Variants in CYP2S1 observed in about 807,000 individuals in gnomAD.
CYP2S1 encodes cytochrome P450 2S1.
Under a neutral mutation model 43.5 loss-of-function variants are expected in CYP2S1, and 32 were observed. The ratio of observed to expected loss-of-function variants is 0.74; its 90% CI spans 0.56 to 0.99. CYP2S1 has a LOEUF of 0.99. Among genes scored for constraint, CYP2S1 ranks in the 50% least tolerant of loss-of-function variants. The pLI is 0.00. For missense variants in CYP2S1, 575 were observed against 673.9 expected (o/e 0.85, Z 1.62); for synonymous variants, 283 against 302.9 (o/e 0.93, Z 0.68).
At position 41,206,060 on chromosome 19, in the gene CYP2S1, C is replaced by T. The variant is rs759226367; in HGVS notation, c.1267C>T (p.Arg423Trp). 14 of 1,613,970 alleles carry T rather than the reference C, an allele frequency of 8.7e-6. No homozygotes were observed. The highest frequency in any genetic ancestry group is 5.0e-5 in the Admixed American group (3 of 59,986). ...NPDRFLDADG[R>W]FRKHEAFLPF... ...AGACCGTTTCCTGGATGCAGATGGA[C>T]GGTTCAGGAAGCATGAGGCGTTCCT... Residue 423 changes from arginine (R) to tryptophan (W), a missense_variant, in exon 8 of 9, where the codon CGG becomes TGG. Arg to Trp is a moderately radical substitution (Grantham distance 101). This residue lies in a region of CYP2S1 where 222 missense variants were observed against 306.3 expected (regional missense o/e 0.72). Coordinates refer to ENST00000310054, the MANE Select transcript of CYP2S1 (RefSeq NM_030622.8).
chr19:41,196,139 G>A (rs527921143), intron 2 of CYP2S1, among the ~76,000 whole-genome samples: 21 of 152,236 alleles, frequency 1.4e-4, no homozygotes, highest in Non-Finnish European at 2.4e-4. Context: ...CATTTAAGCC[G>A]GGACATGAAG....
rs577858484 is a variant in CYP2S1, at chr19:41,207,129, G to A, written c.*641G>A. On this transcript the variant is annotated 3_prime_UTR_variant, in exon 9 of 9. Transcript: ENST00000310054. ...GAGTATCTTCCCACTGAGACACGCC[G>A]CCCCCACAGAGGCACAGTCCCCAGC... 75 of 300,050 alleles carry A rather than the reference G, an allele frequency of 2.5e-4. 2 individuals carry two copies. The highest frequency in any genetic ancestry group is 5.1e-4 in the South Asian group (16 of 31,582). 18.6% of individuals were successfully genotyped at this position (300,050 alleles called of 1,614,324 possible). A position where few individuals can be genotyped will look rare whatever the true frequency, so the allele number is the denominator to read the frequency against.
chr19:41,205,453 T>TTG (rs2033562280), intron 7 of CYP2S1, among the ~76,000 whole-genome samples: 2 of 119,758 alleles, frequency 1.7e-5, no homozygotes, highest in African/African-American at 4.5e-5. Flanking sequence ...TTCTTTTTCT[T>TTG]TCTCTCTCTC....
intron 2 of CYP2S1, among the ~76,000 whole-genome samples, chr19:41,195,711 C>A (rs1177913949): frequency 6.6e-6 from 1 of 152,078 alleles, no homozygotes; most frequent in Non-Finnish European, 1.5e-5. Flanking sequence ...AGACCAGCAC[C>A]TACAAAAGCA....
intron 7 of CYP2S1, among the ~76,000 whole-genome samples, chr19:41,205,446 T>A (rs1157136904): frequency 1.2e-5 from 1 of 80,064 alleles, no homozygotes; most frequent in Non-Finnish European, 2.6e-5. Context: ...CTTTCTTTTC[T>A]TTTTCTTTCT....
intron 7 of CYP2S1, 47 bp from the exon 8 acceptor site, chr19:41,205,911 G>T: frequency 6.3e-7 from 1 of 1,597,104 alleles, no homozygotes; most frequent in South Asian, 1.1e-5. Flanking sequence ...GGACCAAATG[G>T]ACTGGGGTGG....
At chr19:41,205,831 A>C in intron 7 of CYP2S1, 127 bp from the exon 8 acceptor site, 1 of 1,263,808 alleles carries the variant, frequency 7.9e-7, no homozygotes, top group Admixed American at 2.5e-5. Context: ...TCAACACTCC[A>C]CAAATGTTGA....
At chr19:41,205,670 T>TA (rs1356064195) in intron 7 of CYP2S1, among the ~76,000 whole-genome samples, 1 of 151,944 alleles carries the variant, frequency 6.6e-6, no homozygotes, top group Non-Finnish European at 1.5e-5. Flanking sequence ...AACGGGCTCA[T>TA]ACCACCATGC....
In CYP2S1 at chr19:41,207,362, C is replaced by T. The variant is rs1463056006; in HGVS notation, c.*874C>T. On this transcript the variant is annotated 3_prime_UTR_variant, in exon 9 of 9. Transcript: ENST00000310054. ...GCCCCTCCACACACACATACACACTCACTGATCTACAGCCCCTGTTCGGCG... is the reference window on the plus strand; with the variant it reads ...GCCCCTCCACACACACATACACACTTACTGATCTACAGCCCCTGTTCGGCG... 5.9e-6 allele frequency: 1 copy of T among 168,276 alleles called. No homozygotes were observed. Among genetic ancestry groups the T allele is most frequent in the African/African-American group, 2.4e-5 (1 of 41,758 alleles). 10.4% of individuals were successfully genotyped at this position (168,276 alleles called of 1,614,324 possible).
chr19:41,199,982 A>G (rs1480990719), intron 5 of CYP2S1, among the ~76,000 whole-genome samples: 5 of 151,480 alleles, frequency 3.3e-5, no homozygotes, highest in South Asian at 2.1e-4. Flanking sequence ...AAAAAAAAAA[A>G]AAAGAAAAAA....
intron 7 of CYP2S1, among the ~76,000 whole-genome samples, chr19:41,204,592 CTT>C (rs553640679): frequency 0.42 from 45,675 of 107,970 alleles, 9,764 homozygotes; most frequent in African/African-American, 0.59. Context: ...TCTTCTTCTT[CTT>C]TTTTTTTTTT....
chr19:41,203,759 CT>C, intron 7 of CYP2S1, 122 bp downstream of exon 7: 1 of 970,328 alleles, frequency 1.0e-6, no homozygotes. Flanking sequence ...CTCTCTCTGT[CT>C]TTATCTCCCT....
At chr19:41,204,051 C>T (rs1023877947) in intron 7 of CYP2S1, among the ~76,000 whole-genome samples, 4 of 151,976 alleles carry the variant, frequency 2.6e-5, no homozygotes, top group South Asian at 2.1e-4. Flanking sequence ...TTAGTAGACA[C>T]GGGGTTTCAT....
At chr19:41,193,562 G>A (rs1206590266) in intron 1 of CYP2S1, 121 bp downstream of exon 1, 2 of 1,358,532 alleles carry the variant, frequency 1.5e-6, no homozygotes, top group African/African-American at 1.5e-5. Context: ...GGGTCCCAAG[G>A]CAAAGGGGCT....
At position 41,197,789 on chromosome 19, in the gene CYP2S1, C is replaced by T. The variant is rs765474321; in HGVS notation, c.354C>T (p.Phe118=). 12 of 1,613,930 alleles carry T rather than the reference C, an allele frequency of 7.4e-6. No individual in the cohort carries two copies. In the South Asian group the frequency reaches 1.1e-4, roughly 15 times the overall value. The change falls in exon 3 of 9, where the codon TTC becomes TTT. Residue 118 remains phenylalanine, a synonymous_variant. Transcript: ENST00000310054. The part of the protein sequence containing the change: ...EGTFDGHGVF[F]SNGERWRQLR... ...TAGCCTTCTGCGCAGGGGTTTTCTT[C>T]TCCAACGGGGAGCGGTGGAGGCAGC... is the stretch of plus-strand genomic sequence containing the variant.
intron 7 of CYP2S1, among the ~76,000 whole-genome samples, chr19:41,205,330 CTTTCTTTCTT>C (rs1568402406): frequency 5.2e-5 from 5 of 96,602 alleles, no homozygotes; most frequent in African/African-American, 2.7e-4. Flanking sequence ...CTTTGCCTTT[CTTTCTTTCTT>C]TTTTTCTTTC....
chr19:41,204,944 C>T (rs562427247), intron 7 of CYP2S1, among the ~76,000 whole-genome samples: 3 of 152,100 alleles, frequency 2.0e-5, no homozygotes, highest in Admixed American at 6.6e-5. Flanking sequence ...CACTTCCCCC[C>T]CTGAACCTCA....
At position 41,194,606 on chromosome 19, in the gene CYP2S1, C is replaced by G. The variant is rs779555227; in HGVS notation, c.240C>G (p.Val80=). ...TGGGACCCTGGCGGCCTGTGGTGGT[C>G]CTGGTTGGGCAGGAGGCTGTGCGGG... ...IYLGPWRPVV[V]LVGQEAVREA... The change falls in exon 2 of 9, where the codon GTC becomes GTG. Residue 80 remains valine (V), a synonymous_variant. Coordinates refer to ENST00000310054, the MANE Select transcript of CYP2S1 (RefSeq NM_030622.8). The G allele has an allele frequency of 6.2e-7, 1 of 1,611,420 alleles. No individual in the cohort carries two copies. The highest frequency in any genetic ancestry group is 1.3e-5 in the African/African-American group (1 of 74,908).
intron 1 of CYP2S1, 131 bp downstream of exon 1, chr19:41,193,572 T>C: frequency 7.4e-7 from 1 of 1,348,212 alleles, no homozygotes; most frequent in South Asian, 1.9e-5. Context: ...GCAAAGGGGC[T>C]GCTGCTGTCC....
Sources: allele counts gnomAD v4.1 joint callset (sites outside exome capture counted in the v4.1 genomes callset), GRCh38; gene constraint gnomAD v4.1.1; regional missense constraint gnomAD v4.1.1; transcripts MANE v1.5; gene names NCBI Gene and HGNC (gene_info 2026-07-23, HGNC 2026-07-21).